Variants in PCLO observed in about 807,000 individuals in gnomAD.
PCLO encodes the protein piccolo presynaptic cytomatrix protein.
In PCLO, 82 loss-of-function variants were observed where a neutral mutation model predicts 427.5. The ratio of observed to expected loss-of-function variants is 0.19; its 90% CI spans 0.16 to 0.23. PCLO has a LOEUF of 0.23. PCLO is among the 10% of genes least tolerant of loss of function. PCLO has a pLI of 1.00. For synonymous variants in PCLO, 2,357 were observed against 2,155.4 expected (o/e 1.09, Z -2.59); for missense variants, 6,239 against 6,115.9 (o/e 1.02, Z -0.67).
intron 3 of PCLO, among the ~76,000 whole-genome samples, chr7:82,991,294 A>G (rs1287191798): frequency 1.3e-5 from 2 of 152,102 alleles, no homozygotes; most frequent in Non-Finnish European, 2.9e-5. Context: ...TAGGTTTATC[A>G]TACAACATTA....
At chr7:83,131,814 T>C (rs1303873476) in intron 3 of PCLO, among the ~76,000 whole-genome samples, 1 of 151,980 alleles carries the variant, frequency 6.6e-6, no homozygotes, top group Non-Finnish European at 1.5e-5. Context: ...AGGAGATGCT[T>C]TCCTAACTCC....
rs1254062395 is a variant in PCLO at position 83,134,516 on chromosome 7, C to T, written c.3034G>A (p.Ala1012Thr). 17 of 1,613,726 alleles carry T rather than the reference C, an allele frequency of 1.1e-5. No homozygotes were observed. The highest frequency in any genetic ancestry group is 1.4e-5 in the Non-Finnish European group (17 of 1,179,886). ...CTTTTTACTGTTGGAGCTTGTTCAGCTTTGGGCTCTAATTTTTCAGCTGCT... is the reference window on the plus strand; with the variant it reads ...CTTTTTACTGTTGGAGCTTGTTCAGTTTTGGGCTCTAATTTTTCAGCTGCT... ...APAAEKLEPK[A>T]EQAPTVKRTE... Residue 1012 changes from alanine to threonine, a missense_variant, in exon 3 of 25, where the codon GCT (alanine) becomes ACT (threonine). By Grantham distance (58) the Ala-to-Thr change is moderately conservative (BLOSUM62 0). Transcript: ENST00000333891.
intron 10 of PCLO, among the ~76,000 whole-genome samples, chr7:82,855,831 A>G (rs955520011): frequency 2.0e-5 from 3 of 152,088 alleles, no homozygotes; most frequent in African/African-American, 7.2e-5. Flanking sequence ...GTGCAGATTC[A>G]GTGCTAGGGA....
intron 16 of PCLO, among the ~76,000 whole-genome samples, chr7:82,833,986 C>CTA (rs1792162919): frequency 6.6e-6 from 1 of 152,098 alleles, no homozygotes; most frequent in Non-Finnish European, 1.5e-5. Flanking sequence ...CTTCCACAGT[C>CTA]TAACTTACAA....
At position 82,952,206 on chromosome 7, in the gene PCLO, G is replaced by A; in HGVS notation, c.8747C>T (p.Thr2916Ile). ...HRTVVTMDES[T>I]SSVMTKIIED... ...TATTATTTTGGTCATCACACTTGAA[G>A]TAGACTCATCCATTGTTACGACTGT... The change falls in exon 5 of 25, where the codon ACT (threonine) becomes ATT (isoleucine). Residue 2916 changes from threonine (T) to isoleucine (I), a missense_variant. Thr to Ile is a moderately conservative substitution (Grantham distance 89, BLOSUM62 -1). Coordinates refer to ENST00000333891, the MANE Select transcript of PCLO (RefSeq NM_033026.6). 1 of 1,613,740 alleles carries A rather than the reference G, an allele frequency of 6.2e-7. No homozygotes were observed. Among genetic ancestry groups the A allele is most frequent in the South Asian group, 1.1e-5 (1 of 91,090 alleles).
intron 3 of PCLO, among the ~76,000 whole-genome samples, chr7:83,056,434 C>G (rs1789381091): frequency 6.6e-6 from 1 of 151,880 alleles, no homozygotes; most frequent in African/African-American, 2.4e-5. Context: ...ATATAATTGC[C>G]CTAGATTAAA....
chr7:82,862,868 G>T (rs2115925437), intron 10 of PCLO, among the ~76,000 whole-genome samples: 1 of 152,070 alleles, frequency 6.6e-6, no homozygotes, highest in African/African-American at 2.4e-5. Context: ...TAGTAGTAGG[G>T]AGTTGGAGGG....
At chr7:82,798,178 A>C (rs1791267492) in intron 22 of PCLO, among the ~76,000 whole-genome samples, 1 of 152,146 alleles carries the variant, frequency 6.6e-6, no homozygotes, top group African/African-American at 2.4e-5. Flanking sequence ...GAGTGGACTA[A>C]GGTATTCATA....
chr7:82,983,934 G>A (rs1796202701), intron 3 of PCLO, among the ~76,000 whole-genome samples: 2 of 151,780 alleles, frequency 1.3e-5, no homozygotes, highest in Admixed American at 1.3e-4. Flanking sequence ...GCAGTTAGTA[G>A]GAAAATAAAT....
chr7:83,050,227 A>AAAAAAAAAAAAAAAAAAAAAAAAC (rs71074611), intron 3 of PCLO, among the ~76,000 whole-genome samples: 3 of 85,612 alleles, frequency 3.5e-5, no homozygotes, highest in Non-Finnish European at 8.0e-5. Flanking sequence ...AAAAAAAAAA[A>AAAAAAAAAAAAAAAAAAAAAAAAC]AAAAAAAAAA....
chr7:82,798,660 T>C (rs1190962798), intron 22 of PCLO, among the ~76,000 whole-genome samples: 1 of 152,204 alleles, frequency 6.6e-6, no homozygotes, highest in Non-Finnish European at 1.5e-5. Flanking sequence ...GAAAGTCTAA[T>C]ATTATTGCAG....
chr7:83,157,822 G>A (rs1792338173), intron 1 of PCLO, among the ~76,000 whole-genome samples: 1 of 151,986 alleles, frequency 6.6e-6, no homozygotes, highest in African/African-American at 2.4e-5. Context: ...AAGGAAACAA[G>A]AATAAAGAAA....
chr7:82,808,407 G>T (rs992813232), intron 20 of PCLO, among the ~76,000 whole-genome samples: 1 of 151,744 alleles, frequency 6.6e-6, no homozygotes, highest in Admixed American at 6.6e-5. Context: ...GCGATTTTTA[G>T]TTCTATTCCT....
At chr7:82,980,024 C>T (rs1265460963) in intron 3 of PCLO, among the ~76,000 whole-genome samples, 2 of 152,126 alleles carry the variant, frequency 1.3e-5, no homozygotes, top group African/African-American at 4.8e-5. Context: ...GCCTCACATC[C>T]TTACAACTGT....
intron 3 of PCLO, among the ~76,000 whole-genome samples, chr7:83,111,653 T>C (rs1791004320): frequency 6.6e-6 from 1 of 152,188 alleles, no homozygotes; most frequent in South Asian, 2.1e-4. Context: ...TAACTCCAGA[T>C]AGGAACTAGA....
In PCLO at chr7:83,071,349, T is replaced by C. The variant is rs17157067; in HGVS notation, c.3300+62901A>G. Reference sequence around the variant, plus strand: ...ATGTGACAATAGTTATATCTTCTTATATGCGGTACTATTTTCTTTCCATAT... The same window carrying C: ...ATGTGACAATAGTTATATCTTCTTACATGCGGTACTATTTTCTTTCCATAT... On this transcript the variant is annotated intron_variant, in intron 3 of 24. Transcript: ENST00000333891. Among the ~76,000 whole-genome samples the C allele has an allele frequency of 7.3e-3, 1,108 of 152,340 alleles. 16 individuals are homozygous for C. The highest frequency in any genetic ancestry group is 0.026 in the African/African-American group (1,066 of 41,566).
chr7:82,985,768 G>C (rs539456772), intron 3 of PCLO, among the ~76,000 whole-genome samples: 1 of 151,916 alleles, frequency 6.6e-6, no homozygotes, highest in African/African-American at 2.4e-5. Context: ...GTAGAAAGTC[G>C]AGACTTTTTA....
At chr7:82,947,416 T>G (rs1795228959) in intron 6 of PCLO, among the ~76,000 whole-genome samples, 1 of 152,180 alleles carries the variant, frequency 6.6e-6, no homozygotes. Flanking sequence ...AATTATTTTT[T>G]TAGTATAGTT....
chr7:83,032,457 C>G (rs546920977), intron 3 of PCLO, among the ~76,000 whole-genome samples: 5 of 140,810 alleles, frequency 3.6e-5, no homozygotes, highest in South Asian at 2.6e-4. Context: ...TGCCTCCCTT[C>G]CCTCCCTTCC....
Sources: allele counts gnomAD v4.1 joint callset (sites outside exome capture counted in the v4.1 genomes callset), GRCh38; gene constraint gnomAD v4.1.1; transcripts MANE v1.5; gene names NCBI Gene and HGNC (gene_info 2026-07-23, HGNC 2026-07-21).